MCCC1: variants seen among roughly 807,000 people sequenced by gnomAD.
The protein encoded by MCCC1 is methylcrotonoyl-CoA carboxylase subunit alpha, mitochondrial.
A neutral mutation model predicts 83.8 loss-of-function variants in MCCC1; 64 were observed. The ratio of observed to expected loss-of-function variants is 0.76; its 90% confidence interval spans 0.62 to 0.94. The LOEUF (loss-of-function observed/expected upper bound fraction) is 0.94. Ranked by LOEUF, MCCC1 falls within the 40% of genes least tolerant of loss-of-function variation. MCCC1 has a pLI of 0.00. For missense variants in MCCC1, 807 were observed against 904.7 expected, an observed-to-expected ratio of 0.89 and a Z score of 1.39; for synonymous variants, 322 against 315.4, an observed-to-expected ratio of 1.02 and a Z score of -0.22.
At chr3:183,052,898 TTACTA>T (rs1268010207) in intron 8 of MCCC1, among the ~76,000 whole-genome samples, 1 of 151,910 alleles carries the variant, frequency 6.6e-6, no homozygotes, top group Non-Finnish European at 1.5e-5. Context: ...TTTTTTTAAT[TTACTA>T]TACTATACAA....
chr3:183,109,879 A>G (rs1719466467), intron 1 of MCCC1, among the ~76,000 whole-genome samples: 1 of 152,220 alleles, frequency 6.6e-6, no homozygotes, highest in Admixed American at 6.5e-5. Context: ...CCAGCAGTGT[A>G]TAAACGTTCC....
upstream of MCCC1, among the ~76,000 whole-genome samples, chr3:183,103,430 A>G (rs1410426123): frequency 6.6e-6 from 1 of 152,056 alleles, no homozygotes; most frequent in African/African-American, 2.4e-5. Context: ...CTAGACACAA[A>G]GGTTCTCCAC....
chr3:183,030,541 A>G lies in MCCC1; in HGVS notation c.1681+3450T>C, dbSNP rs575454235. ...GAACATTTAGCCTTCTGCATACAAA[A>G]CACCCACTATGATTCTCTCCTCATC... On this transcript the variant is annotated intron_variant, in intron 14 of 18. Coordinates refer to ENST00000265594, the MANE Select transcript of MCCC1 (RefSeq NM_020166.5). 3.9e-5 allele frequency among the ~76,000 whole-genome samples: 6 copies of G among 152,276 alleles called. 1 individual carries two copies. Among genetic ancestry groups the G allele is most frequent in the South Asian group, 2.1e-4 (1 of 4,822 alleles).
In MCCC1 at chr3:183,114,490, T is replaced by C. The variant is rs559981364; in HGVS notation, c.-102+984A>G. Among the ~76,000 whole-genome samples the C allele has an allele frequency of 3.6e-3, 555 of 152,274 alleles. 6 individuals carry two copies. The highest frequency in any genetic ancestry group is 3.6e-3 in the Non-Finnish European group (242 of 68,030). Reference sequence around the variant, plus strand: ...GTCTCCAGGCAGTGTCAGAATTGAATTGAAGGAAGCCATCTGGTGTCCACT... The same window carrying C: ...GTCTCCAGGCAGTGTCAGAATTGAACTGAAGGAAGCCATCTGGTGTCCACT... On this transcript the variant is annotated intron_variant, in intron 1 of 17. Coordinates refer to the MCCC1 transcript ENST00000492597.
intron 4 of MCCC1, among the ~76,000 whole-genome samples, chr3:183,074,900 T>G (rs559773933): frequency 6.6e-6 from 1 of 152,252 alleles, no homozygotes; most frequent in African/African-American, 2.4e-5. Flanking sequence ...CCCAGTGTCT[T>G]TTGTTTCCTT....
chr3:183,089,187 G>A (rs1042120430), intron 3 of MCCC1, among the ~76,000 whole-genome samples: 1 of 152,300 alleles, frequency 6.6e-6, no homozygotes, highest in Middle Eastern at 3.4e-3. Flanking sequence ...ATAAGCTGGT[G>A]CACCCTATAA....
intron 10 of MCCC1, among the ~76,000 whole-genome samples, chr3:183,042,941 T>G (rs781009280): frequency 1.3e-5 from 2 of 152,242 alleles, no homozygotes; most frequent in Non-Finnish European, 2.9e-5. Flanking sequence ...TGCATGTGTA[T>G]GTTTATTGCA....
chr3:183,086,185 C>A (rs996081541), intron 4 of MCCC1, among the ~76,000 whole-genome samples: 1 of 152,218 alleles, frequency 6.6e-6, no homozygotes, highest in African/African-American at 2.4e-5. Context: ...CAGCCCCTTA[C>A]TGCCTTCACT....
At chr3:183,091,630 T>A (rs1718342605) in intron 3 of MCCC1, among the ~76,000 whole-genome samples, 1 of 152,062 alleles carries the variant, frequency 6.6e-6, no homozygotes, top group African/African-American at 2.4e-5. Flanking sequence ...ACCCGTAACA[T>A]TCACAAACTT....
intron 3 of MCCC1, among the ~76,000 whole-genome samples, chr3:183,091,284 T>C (rs984298966): frequency 2.0e-5 from 3 of 152,064 alleles, no homozygotes; most frequent in Admixed American, 2.0e-4. Context: ...AAGCTAGTGA[T>C]AGGCTGGGCG....
intron 13 of MCCC1, 81 bp downstream of exon 13, chr3:183,037,137 T>C: frequency 7.6e-7 from 1 of 1,311,634 alleles, no homozygotes; most frequent in South Asian, 1.2e-5. Context: ...GAGAGGTCAG[T>C]GTGCCATACA....
chr3:183,061,352 C>T (rs1387500089), intron 7 of MCCC1, among the ~76,000 whole-genome samples: 1 of 152,184 alleles, frequency 6.6e-6, no homozygotes, highest in Non-Finnish European at 1.5e-5. Flanking sequence ...GGCAACATCT[C>T]CCTTGGAGTT....
chr3:183,027,191 TTG>T (rs978441889), intron 14 of MCCC1, among the ~76,000 whole-genome samples: 1 of 152,206 alleles, frequency 6.6e-6, no homozygotes, highest in African/African-American at 2.4e-5. Context: ...TCAATCAATA[TTG>T]TGTGTGTTCT....
chr3:183,016,607 CT>C (rs1711651072), intron 18 of MCCC1, among the ~76,000 whole-genome samples: 1 of 152,198 alleles, frequency 6.6e-6, no homozygotes, highest in Admixed American at 6.5e-5. Context: ...TTTTTCAAAT[CT>C]CCCCAGGTGA....
At chr3:183,043,418 G>GCTGA (rs1714278299) in intron 10 of MCCC1, among the ~76,000 whole-genome samples, 1 of 152,232 alleles carries the variant, frequency 6.6e-6, no homozygotes, top group Admixed American at 6.5e-5. Context: ...GTTCTCTCAG[G>GCTGA]CTGACACTGG....
intron 1 of MCCC1, 82 bp from the exon 2 acceptor site, chr3:183,094,687 A>G: frequency 7.1e-7 from 1 of 1,412,990 alleles, no homozygotes; most frequent in Non-Finnish European, 1.0e-6. Context: ...CAGTTTCTTA[A>G]AACATGAAAC....
Position 183,039,155 on chromosome 3 carries a change from T to G in MCCC1, c.1268-20A>C, listed in dbSNP as rs768747546. 30 of 1,607,098 alleles carry G rather than the reference T, an allele frequency of 1.9e-5. No individual in the cohort carries two copies. The African/African-American group carries it at 3.3e-4, about 18-fold the overall frequency. On this transcript the variant is annotated intron_variant, in intron 11 of 18. Transcript: ENST00000265594. ...CGTCTCCTGAAATTGAAAACCACGG[T>G]AACCTCTTCAAGTCAAAACACGAAG... is the stretch of plus-strand genomic sequence containing the variant.
intron 4 of MCCC1, among the ~76,000 whole-genome samples, chr3:183,074,692 GT>G (rs1281213320): frequency 4.6e-5 from 7 of 152,252 alleles, no homozygotes; most frequent in African/African-American, 7.2e-5. Flanking sequence ...CCAGTTTAGA[GT>G]TTTATATCTT....
chr3:183,055,176 G>A (rs550766099), intron 8 of MCCC1, among the ~76,000 whole-genome samples: 1 of 151,862 alleles, frequency 6.6e-6, no homozygotes, highest in African/African-American at 2.4e-5. Flanking sequence ...GGCTGAGGCG[G>A]GTGGATCACG....
Sources: gnomAD v4.1 joint callset for allele counts (sites outside exome capture counted in the v4.1 genomes callset) on GRCh38, gnomAD v4.1.1 for gene constraint, MANE v1.5 for transcripts, NCBI Gene and HGNC (gene_info 2026-07-23, HGNC 2026-07-21) for gene names.